The following CFI variants were observed in gnomAD, a reference collection of about 807,000 sequenced individuals.
The protein encoded by CFI is complement factor I.
Under a neutral mutation model 78.8 loss-of-function variants are expected in CFI, and 66 were observed. That is an observed-to-expected ratio of 0.84 (90% CI 0.69 to 1.03). The LOEUF (loss-of-function observed/expected upper bound fraction) is 1.03. CFI is among the 50% of genes least tolerant of loss of function. The pLI, the probability that CFI is intolerant of heterozygous loss-of-function variation, is 0.00. For missense variants in CFI, 706 were observed against 704.5 expected, an observed-to-expected ratio of 1.00 and a Z score of -0.02; for synonymous variants, 250 against 232.6, an observed-to-expected ratio of 1.07 and a Z score of -0.68.
downstream of CFI, among the ~76,000 whole-genome samples, chr4:109,739,427 A>AG (rs1341467379): frequency 7.2e-5 from 11 of 152,320 alleles, no homozygotes; most frequent in Admixed American, 2.0e-4. Flanking sequence ...GAGAAGAGGT[A>AG]GACAACCCAA....
In CFI at chr4:109,783,812, G is replaced by GATATATATATATAT. The variant is rs34128338; in HGVS notation, c.58-17002_58-16989dup. Among the ~76,000 whole-genome samples, 334 of 112,994 alleles carry GATATATATATATAT rather than the reference G, an allele frequency of 3.0e-3. 22 individuals are homozygous for GATATATATATATAT. The highest frequency in any genetic ancestry group is 7.5e-3 in the African/African-American group (226 of 30,246). The allele number at this position is 112,994 out of a possible 152,430, so 74.1% of individuals were successfully genotyped here. A position where few individuals can be genotyped will look rare whatever the true frequency, so the allele number is the denominator to read the frequency against. On this transcript the variant is annotated intron_variant, in intron 1 of 12. Transcript: ENST00000394634. ...TTCAATGAGTGGATAAAGAAACTGT[G>GATATATATATATAT]ATATATATATATATATATATATGAT...
At chr4:109,741,214 C>T (rs2126178463) in intron 12 of CFI, 104 bp from the exon 13 acceptor site, 1 of 1,582,914 alleles carries the variant, frequency 6.3e-7, no homozygotes, top group Non-Finnish European at 8.6e-7. Context: ...TTTACAGTTT[C>T]CTGACAGCAA....
Position 109,801,985 on chromosome 4 carries a change from G to GT in CFI, c.-15_-14insA. ...AAGAAGCTTCATGTTGGAGGTGTTC[G>GT]GGGTCTTTGTCTCTGCTGAGAACTC... On this transcript the variant is annotated 5_prime_UTR_variant, in exon 1 of 13. Transcript: ENST00000394634. 6.2e-7 allele frequency: 1 copy of GT among 1,606,050 alleles called. No individual in the cohort carries two copies. The highest frequency in any genetic ancestry group is 1.3e-5 in the African/African-American group (1 of 74,866).
chr4:109,786,071 G>T (rs890886240), intron 1 of CFI, among the ~76,000 whole-genome samples: 2 of 151,852 alleles, frequency 1.3e-5, no homozygotes, highest in African/African-American at 4.8e-5. Context: ...CCAAAGTCTA[G>T]CTCTGAGAGT....
intron 3 of CFI, chr4:109,764,317 G>C (rs915789002): frequency 2.7e-5 from 16 of 593,192 alleles, no homozygotes; most frequent in Middle Eastern, 3.4e-4. Context: ...TTCACATCCA[G>C]ATACTTCAAC....
chr4:109,770,837 C>T (rs1166987747), intron 1 of CFI, among the ~76,000 whole-genome samples: 1 of 152,110 alleles, frequency 6.6e-6, no homozygotes, highest in Non-Finnish European at 1.5e-5. Context: ...GAACTGAAAG[C>T]TAAGCCCCAC....
rs146278767 is a variant in CFI at position 109,796,072 on chromosome 4, T to A, written c.57+5843A>T. 5.4e-3 allele frequency among the ~76,000 whole-genome samples: 822 copies of A among 152,252 alleles called. 14 individuals carry two copies. Among genetic ancestry groups the A allele is most frequent in the African/African-American group, 0.019 (783 of 41,566 alleles). On this transcript the variant is annotated intron_variant, in intron 1 of 12. Transcript: ENST00000394634. Reference sequence around the variant, plus strand: ...GACACATTATAATCAAATTCTCAAATGTCAAAGACAAAAAGACAATTTTGA... The same window carrying A: ...GACACATTATAATCAAATTCTCAAAAGTCAAAGACAAAAAGACAATTTTGA...
At position 109,745,213 on chromosome 4, in the gene CFI, C is replaced by T. The variant is rs376478595; in HGVS notation, c.1429+1009G>A. ...TTGTGGTTGTTTTGAGACAGAGTCTCGCTCTGTCACTCAGGCTAGACTGCA... is the reference window on the plus strand; with the variant it reads ...TTGTGGTTGTTTTGAGACAGAGTCTTGCTCTGTCACTCAGGCTAGACTGCA... On this transcript the variant is annotated intron_variant, in intron 11 of 12. Coordinates refer to ENST00000394634, the MANE Select transcript of CFI (RefSeq NM_000204.5). Among the ~76,000 whole-genome samples the T allele has an allele frequency of 9.2e-5, 14 of 152,228 alleles. No individual in the cohort carries two copies. The East Asian group carries it at 2.7e-3, about 29-fold the overall frequency.
chr4:109,766,213 CTT>C (rs1435002019), intron 2 of CFI, among the ~76,000 whole-genome samples: 3 of 152,140 alleles, frequency 2.0e-5, no homozygotes, highest in African/African-American at 7.2e-5. Context: ...TACTGGAAGA[CTT>C]TTCACTGGGT....
At chr4:109,776,776 C>G (rs935346373) in intron 1 of CFI, among the ~76,000 whole-genome samples, 2 of 152,192 alleles carry the variant, frequency 1.3e-5, no homozygotes, top group Non-Finnish European at 2.9e-5. Flanking sequence ...CGGATCTCTC[C>G]GCAGAAACTC....
intron 1 of CFI, among the ~76,000 whole-genome samples, chr4:109,775,910 C>T (rs768668471): frequency 7.2e-5 from 11 of 152,204 alleles, no homozygotes; most frequent in Admixed American, 1.3e-4. Flanking sequence ...TCCAACACAC[C>T]TGCAGCTGAG....
Position 109,766,550 on chromosome 4 carries a change from C to G in CFI, c.328+4G>C, listed in dbSNP as rs769003467. On this transcript the variant is annotated splice_donor_region_variant and intron_variant, in intron 2 of 12. Coordinates refer to ENST00000394634, the MANE Select transcript of CFI (RefSeq NM_000204.5). ...GAATGACTTGAAAACTAGTCTCTTG[C>G]TACCTTCGGCTGTGCATGTTCCGTT... 6 of 1,614,130 alleles carry G rather than the reference C, an allele frequency of 3.7e-6. No homozygotes were observed. The South Asian group carries it at 6.6e-5, about 18-fold the overall frequency.
intron 1 of CFI, among the ~76,000 whole-genome samples, chr4:109,796,927 G>T (rs1017541213): frequency 3.9e-5 from 6 of 152,108 alleles, no homozygotes; most frequent in Admixed American, 3.9e-4. Context: ...ATTAAAGTAG[G>T]CACAAAGAAA....
chr4:109,751,380 T>G (rs1366586290), intron 8 of CFI, among the ~76,000 whole-genome samples: 4 of 149,266 alleles, frequency 2.7e-5, no homozygotes, highest in Non-Finnish European at 6.0e-5. Flanking sequence ...TGAGTAAAAA[T>G]AAAGGGCCAT....
the CFI span, among the ~76,000 whole-genome samples, chr4:109,731,948 T>A: frequency 6.6e-6 from 1 of 152,332 alleles, no homozygotes; most frequent in Admixed American, 6.5e-5. Context: ...GAACATTGGT[T>A]TCTCAGCTCC....
At chr4:109,760,195 T>C (rs942301388) in intron 6 of CFI, 75 bp downstream of exon 6, 2 of 992,296 alleles carry the variant, frequency 2.0e-6, no homozygotes, top group African/African-American at 3.2e-5. Flanking sequence ...CTTAAGATTA[T>C]ACTTTACCTA....
chr4:109,743,747 C>A (rs1724090810), intron 11 of CFI, among the ~76,000 whole-genome samples: 13 of 152,084 alleles, frequency 8.5e-5, no homozygotes. Flanking sequence ...TGGCTCATCC[C>A]AGGACTTTGG....
intron 10 of CFI, among the ~76,000 whole-genome samples, chr4:109,747,512 C>T (rs370644291): frequency 1.5e-3 from 223 of 152,244 alleles, no homozygotes; most frequent in African/African-American, 5.0e-3. Context: ...CCATCATCTT[C>T]TCATGGAACA....
At chr4:109,741,938 G>A (rs140763127) in intron 12 of CFI, 86 of 159,914 alleles carry the variant, frequency 5.4e-4, no homozygotes, top group Middle Eastern at 3.3e-3. Flanking sequence ...GCTTAACCAT[G>A]TTATCAAAGG....
Sources: gnomAD v4.1 joint callset for allele counts (sites outside exome capture counted in the v4.1 genomes callset) on GRCh38, gnomAD v4.1.1 for gene constraint, MANE v1.5 for transcripts, NCBI Gene and HGNC (gene_info 2026-07-23, HGNC 2026-07-21) for gene names.